Variants in MDN1 observed in about 807,000 individuals in gnomAD.
MDN1 encodes midasin.
MDN1 carries 266 observed loss-of-function variants against 669.2 expected under a neutral mutation model. The ratio of observed to expected loss-of-function variants is 0.40; its 90% CI spans 0.36 to 0.44. MDN1 has a LOEUF of 0.44. Among genes scored for constraint, MDN1 ranks in the 20% least tolerant of loss-of-function variants. MDN1 has a pLI of 1.00. For missense variants in MDN1, 5,940 were observed against 6,754.0 expected, an observed-to-expected ratio of 0.88 and a Z score of 4.22; for synonymous variants, 2,385 against 2,457.1, an observed-to-expected ratio of 0.97 and a Z score of 0.87.
intron 88 of MDN1, among the ~76,000 whole-genome samples, chr6:89,659,746 T>C (rs965671439): frequency 2.0e-5 from 3 of 152,252 alleles, no homozygotes; most frequent in African/African-American, 7.2e-5. Context: ...CTGGTGGATG[T>C]CATGATCATA....
chr6:89,650,568 CAAT>C (rs1808779483), intron 96 of MDN1, among the ~76,000 whole-genome samples, 161 bp downstream of exon 96: 1 of 152,188 alleles, frequency 6.6e-6, no homozygotes, highest in African/African-American at 2.4e-5. Context: ...TGTGCAGAGA[CAAT>C]AATAGGAAAA....
chr6:89,690,089 C>A lies in MDN1; in HGVS notation c.10804G>T (p.Asp3602Tyr). The part of the protein sequence containing the change: ...PTLEENKGTS[D>Y]GQEEEAGTNP... ...GTGCCTGCTTCCTCTTCTTGCCCATCTGAAGTTCCTTTGTTCTCCTCCAAC... is the reference window on the plus strand; with the variant it reads ...GTGCCTGCTTCCTCTTCTTGCCCATATGAAGTTCCTTTGTTCTCCTCCAAC... Residue 3602 changes from aspartate (D) to tyrosine (Y), a missense_variant, in exon 65 of 102, where the codon GAT (aspartate) becomes TAT (tyrosine). Around this residue, in one of 5 missense-constraint regions of MDN1, gnomAD observed 2,280 missense variants for 2,576.3 expected, o/e 0.88. Transcript: ENST00000369393. The A allele has an allele frequency of 6.2e-7, 1 of 1,614,214 alleles. No individual in the cohort carries two copies. The highest frequency in any genetic ancestry group is 8.5e-7 in the Non-Finnish European group (1 of 1,180,044).
intron 31 of MDN1, among the ~76,000 whole-genome samples, chr6:89,742,383 G>A (rs1453464299): frequency 6.6e-6 from 1 of 152,132 alleles, no homozygotes; most frequent in Admixed American, 6.5e-5. Context: ...ACTCCAGCCT[G>A]GGATAAAGAG....
chr6:89,740,479 T>C (rs941058789), intron 31 of MDN1, 101 bp from the exon 32 acceptor site: 2 of 1,171,300 alleles, frequency 1.7e-6, no homozygotes, highest in Non-Finnish European at 2.3e-6. Flanking sequence ...ATCTTCTTTC[T>C]ACTGAATTTT....
intron 92 of MDN1, 125 bp downstream of exon 92, chr6:89,655,639 A>G: frequency 1.1e-6 from 1 of 870,240 alleles, no homozygotes; most frequent in Non-Finnish European, 1.7e-6. Context: ...ATCATTAAAC[A>G]TTGTATACAT....
chr6:89,658,426 G>A, intron 89 of MDN1, 56 bp from the exon 90 acceptor site: 1 of 1,603,708 alleles, frequency 6.2e-7, no homozygotes, highest in East Asian at 2.2e-5. Flanking sequence ...AGCATAAGGT[G>A]GGAGACCTTG....
intron 27 of MDN1, 120 bp downstream of exon 27, chr6:89,747,209 G>A: frequency 2.6e-6 from 3 of 1,144,168 alleles, no homozygotes; most frequent in Non-Finnish European, 3.7e-6. Flanking sequence ...AGGGAAACAG[G>A]CTCTCTGGAA....
At chr6:89,804,102 G>A (rs1486161750) in intron 1 of MDN1, among the ~76,000 whole-genome samples, 2 of 150,964 alleles carry the variant, frequency 1.3e-5, no homozygotes, top group African/African-American at 4.9e-5. Context: ...TAGAGACAGG[G>A]TTTCACCATG....
At chr6:89,685,776 T>C (rs745380242) in intron 70 of MDN1, 51 bp downstream of exon 70, 2 of 1,590,836 alleles carry the variant, frequency 1.3e-6, no homozygotes, top group Non-Finnish European at 1.7e-6. Context: ...ATTCAAAGCC[T>C]AACTCATTTT....
intron 75 of MDN1, 24 bp from the exon 76 acceptor site, chr6:89,677,720 T>C: frequency 6.2e-7 from 1 of 1,613,662 alleles, no homozygotes; most frequent in Non-Finnish European, 8.5e-7. Flanking sequence ...AGCATTTCTT[T>C]AAGCAAAGAT....
In MDN1 at chr6:89,683,872, G is replaced by T; in HGVS notation, c.11862C>A (p.Val3954=). 1 of 1,613,530 alleles carries T rather than the reference G, an allele frequency of 6.2e-7. No homozygotes were observed. The highest frequency in any genetic ancestry group is 1.1e-5 in the South Asian group (1 of 90,986). The change falls in exon 72 of 102, where the codon GTC becomes GTA. Residue 3954 remains valine (V), a synonymous_variant. Transcript: ENST00000369393. ...CAGATTGCTTAATGGACCAGAAGCT[G>T]ACATCATTCCACTTGGAAATCTTAA... ...EFVKISKWND[V]SFWSIKQSVE...
At chr6:89,656,880 A>G in intron 90 of MDN1, 79 bp from the exon 91 acceptor site, 1 of 1,127,458 alleles carries the variant, frequency 8.9e-7, no homozygotes, top group Non-Finnish European at 1.3e-6. Context: ...ATTGAATACA[A>G]CTTCTCTCAC....
rs549692757 is a variant in MDN1, at chr6:89,698,931, C to T, written c.9102G>A (p.Met3034Ile). The change falls in exon 59 of 102, where the codon ATG becomes ATA. Residue 3034 changes from methionine (M) to isoleucine (I), a missense_variant. By Grantham distance (10) the Met-to-Ile change is conservative. Around this residue, in one of 5 missense-constraint regions of MDN1, gnomAD observed 2,292 missense variants for 2,638.3 expected, o/e 0.87. Coordinates refer to ENST00000369393, the MANE Select transcript of MDN1 (RefSeq NM_014611.3). ...GCTGCATACCAGGCAAAGGGTTCCA[C>T]ATTAGCCAGTACTCTGGATTTGTGG... ...TVTTNPEYWL[M>I]WNPLPGMQQR... 1.2e-6 allele frequency: 2 copies of T among 1,614,124 alleles called. No individual in the cohort carries two copies. Among genetic ancestry groups the T allele is most frequent in the East Asian group, 2.2e-5 (1 of 44,872 alleles).
At chr6:89,770,817 T>A (rs990553489) in intron 15 of MDN1, among the ~76,000 whole-genome samples, 1 of 152,188 alleles carries the variant, frequency 6.6e-6, no homozygotes, top group Non-Finnish European at 1.5e-5. Context: ...ACTTACACTT[T>A]AGATCAACTG....
intron 49 of MDN1, among the ~76,000 whole-genome samples, chr6:89,711,090 A>C (rs1461137988): frequency 1.3e-5 from 2 of 152,242 alleles, no homozygotes; most frequent in Admixed American, 6.5e-5. Context: ...ATGTGTTACA[A>C]AATATTATAA....
chr6:89,676,152 A>G lies in MDN1; in HGVS notation c.12595T>C (p.Ser4199Pro). The change falls in exon 77 of 102, where the codon TCT becomes CCT. Residue 4199 changes from serine to proline, a missense_variant. This residue lies in a region of MDN1 where 2,280 missense variants were observed against 2,576.3 expected (regional missense o/e 0.88). Transcript: ENST00000369393. The part of the protein sequence containing the change: ...WDGCQKYFYR[S>P]LARHARLNAA... ...TTAAGCCTGGCATGCCGTGCAAGAG[A>G]GCGATAAAAATACTTCTGGCATCCA... 6.2e-7 allele frequency: 1 copy of G among 1,614,200 alleles called. No homozygotes were observed. The highest frequency in any genetic ancestry group is 1.1e-5 in the South Asian group (1 of 91,086).
At chr6:89,756,511 C>T (rs1419812640) in intron 19 of MDN1, 121 bp from the exon 20 acceptor site, 1 of 535,186 alleles carries the variant, frequency 1.9e-6, no homozygotes, top group Non-Finnish European at 3.3e-6. Flanking sequence ...TATAAAATGT[C>T]TTTCAACCTG....
At chr6:89,814,746 TG>T in intron 1 of MDN1, 3 of 378,652 alleles carry the variant, frequency 7.9e-6, no homozygotes, top group South Asian at 4.3e-5. Context: ...GAGCAGCCGC[TG>T]GACAGCAAGG....
intron 20 of MDN1, among the ~76,000 whole-genome samples, chr6:89,754,936 T>C (rs1449431985): frequency 6.6e-6 from 1 of 152,100 alleles, no homozygotes; most frequent in Non-Finnish European, 1.5e-5. Flanking sequence ...ATTTTCAAAA[T>C]ATTTTCAAAA....
Sources: allele counts gnomAD v4.1 joint callset (sites outside exome capture counted in the v4.1 genomes callset), GRCh38; gene constraint gnomAD v4.1.1; regional missense constraint gnomAD v4.1.1; transcripts MANE v1.5; gene names NCBI Gene and HGNC (gene_info 2026-07-23, HGNC 2026-07-21).